TDO2: variants seen among roughly 807,000 people sequenced by gnomAD.
The protein encoded by TDO2 is tryptophan 2,3-dioxygenase.
Under a neutral mutation model 61.2 loss-of-function variants are expected in TDO2, and 63 were observed. The ratio of observed to expected loss-of-function variants is 1.03; its 90% confidence interval spans 0.84 to 1.27. The LOEUF is 1.27. Ranked by LOEUF, TDO2 falls within the 50% of genes most tolerant of loss-of-function variation. The pLI is 0.00. For synonymous variants in TDO2, 183 were observed against 164.0 expected, an observed-to-expected ratio of 1.12 and a Z score of -0.89; for missense variants, 494 against 469.5, an observed-to-expected ratio of 1.05 and a Z score of -0.48.
Position 155,914,403 on chromosome 4 carries a change from T to G in TDO2, c.807T>G (p.Asp269Glu), listed in dbSNP as rs374630562. ...KQKEVLLSLFDEKRHEHLLSK... is the reference protein window; with the variant it reads ...KQKEVLLSLFEEKRHEHLLSK... ...AAGAGGTGCTACTGTCCTTATTTGATGAGAAACGTCATGAACATCTCCTTA... is the reference window on the plus strand; with the variant it reads ...AAGAGGTGCTACTGTCCTTATTTGAGGAGAAACGTCATGAACATCTCCTTA... Residue 269 changes from aspartate (D) to glutamate (E), a missense_variant, in exon 8 of 12, where the codon GAT (aspartate) becomes GAG (glutamate). Asp to Glu is a conservative substitution (Grantham distance 45). Transcript: ENST00000536354. The G allele has an allele frequency of 6.2e-7, 1 of 1,601,086 alleles. No homozygotes were observed.
Position 155,919,111 on chromosome 4 carries a change from TG to T in TDO2, c.1068-724del, listed in dbSNP as rs561768905. ...GGGTGGTGGGAATAATGAACACAAATGGCATCTCTAGTGTGTTGTTATCTCA... is the reference window on the plus strand; with the variant it reads ...GGGTGGTGGGAATAATGAACACAAATGCATCTCTAGTGTGTTGTTATCTCA... On this transcript the variant is annotated intron_variant, in intron 11 of 11. Coordinates refer to ENST00000536354, the MANE Select transcript of TDO2 (RefSeq NM_005651.4). Among the ~76,000 whole-genome samples, 24 of 152,270 alleles carry T rather than the reference TG, an allele frequency of 1.6e-4. 1 individual carries two copies. The South Asian group carries it at 4.8e-3, about 30-fold the overall frequency.
chr4:155,909,493 C>T (rs1284320014), intron 5 of TDO2, among the ~76,000 whole-genome samples: 1 of 152,072 alleles, frequency 6.6e-6, no homozygotes, highest in Non-Finnish European at 1.5e-5. Flanking sequence ...GTTTAAGAAA[C>T]TTCCATTGGG....
intron 3 of TDO2, 199 bp from the exon 4 acceptor site, chr4:155,907,523 T>C: frequency 1.9e-6 from 1 of 538,432 alleles, no homozygotes; most frequent in Non-Finnish European, 3.3e-6. Flanking sequence ...TCTAGCATAT[T>C]AAAACATTTA....
At position 155,919,778 on chromosome 4, in the gene TDO2, G is replaced by A. The variant is rs1743010081; in HGVS notation, c.1068-59G>A. On this transcript the variant is annotated intron_variant, in intron 11 of 11. Transcript: ENST00000536354. Reference sequence around the variant, plus strand: ...TATCTGAGAAATAAATTTTCTAATTGAAAAATTTAAATATTTCATGTCAAC... The same window carrying A: ...TATCTGAGAAATAAATTTTCTAATTAAAAAATTTAAATATTTCATGTCAAC... The A allele has an allele frequency of 4.8e-6, 7 of 1,449,330 alleles. No homozygotes were observed. The East Asian group carries it at 1.7e-4, about 35-fold the overall frequency. 89.8% of individuals were successfully genotyped at this position (1,449,330 alleles called of 1,614,324 possible). A position where few individuals can be genotyped will look rare whatever the true frequency, so the allele number is the denominator to read the frequency against.
At chr4:155,906,014 G>A (rs769471531) in intron 3 of TDO2, 18 of 152,262 alleles carry the variant, frequency 1.2e-4, no homozygotes, top group Non-Finnish European at 2.4e-4. Context: ...ATCAATAGGA[G>A]AAGAATCATG....
rs1487093717 is a variant in TDO2 at position 155,918,242 on chromosome 4, A to C, written c.1067+3A>C. On this transcript the variant is annotated splice_donor_region_variant and intron_variant, in intron 11 of 11. Coordinates refer to ENST00000536354, the MANE Select transcript of TDO2 (RefSeq NM_005651.4). ...CACTACCTGCGATCAACTGTGAGGT[A>C]GGTGGGGAAATTCTCCTTTCTTCCT... 5 of 1,613,810 alleles carry C rather than the reference A, an allele frequency of 3.1e-6. No individual in the cohort carries two copies. Among genetic ancestry groups the C allele is most frequent in the Non-Finnish European group, 4.2e-6 (5 of 1,179,770 alleles).
chr4:155,911,809 G>A (rs975313199), intron 7 of TDO2, among the ~76,000 whole-genome samples: 1 of 151,888 alleles, frequency 6.6e-6, no homozygotes, highest in Non-Finnish European at 1.5e-5. Context: ...TTCATTGCAC[G>A]GGAGAATTTT....
chr4:155,920,088 ATTG>A lies in TDO2; in HGVS notation c.*101_*103del. The A allele has an allele frequency of 2.1e-5, 24 of 1,124,654 alleles. No homozygotes were observed. The highest frequency in any genetic ancestry group is 2.9e-5 in the Non-Finnish European group (22 of 768,766). The allele number at this position is 1,124,654 out of a possible 1,614,324, so 69.7% of individuals were successfully genotyped here. A position where few individuals can be genotyped will look rare whatever the true frequency, so the allele number is the denominator to read the frequency against. ...ACAGTTTGAATATATGTATGCATAT[ATTG>A]TTCAGCACCACGATGCTCTGATTTA... is the stretch of plus-strand genomic sequence containing the variant. On this transcript the variant is annotated 3_prime_UTR_variant, in exon 12 of 12. Coordinates refer to ENST00000536354, the MANE Select transcript of TDO2 (RefSeq NM_005651.4).
chr4:155,908,284 G>A (rs1174804683), intron 4 of TDO2, among the ~76,000 whole-genome samples: 1 of 152,096 alleles, frequency 6.6e-6, no homozygotes, highest in African/African-American at 2.4e-5. Context: ...AAGAGTGAGA[G>A]GAGAGGAGGG....
intron 7 of TDO2, 91 bp from the exon 8 acceptor site, chr4:155,914,232 A>G (rs1258839905): frequency 1.1e-5 from 9 of 829,212 alleles, no homozygotes; most frequent in Non-Finnish European, 1.3e-5. Flanking sequence ...CATTTCTGCA[A>G]CCATAAGTCT....
intron 4 of TDO2, 72 bp from the exon 5 acceptor site, chr4:155,908,815 A>T (rs538821378): frequency 6.8e-7 from 1 of 1,479,010 alleles, no homozygotes; most frequent in African/African-American, 1.4e-5. Flanking sequence ...ATGGGAATTC[A>T]TTGCCATTGT....
At chr4:155,916,650 A>G (rs1009502659) in intron 9 of TDO2, among the ~76,000 whole-genome samples, 1 of 152,114 alleles carries the variant, frequency 6.6e-6, no homozygotes, top group Non-Finnish European at 1.5e-5. Flanking sequence ...TCATTGTCTA[A>G]AAAGTTTGAA....
chr4:155,906,326 T>C (rs1035086801), intron 3 of TDO2: 1 of 152,182 alleles, frequency 6.6e-6, no homozygotes, highest in African/African-American at 2.4e-5. Flanking sequence ...AGTGGTTACA[T>C]AGGGTTAAAA....
At chr4:155,918,670 T>G (rs1742988214) in intron 11 of TDO2, 1 of 165,866 alleles carries the variant, frequency 6.0e-6, no homozygotes. Context: ...ATAAAACTAT[T>G]TCCATCTACT....
intron 7 of TDO2, among the ~76,000 whole-genome samples, chr4:155,912,754 G>T (rs1742857475): frequency 6.6e-6 from 1 of 151,874 alleles, no homozygotes; most frequent in Admixed American, 6.6e-5. Context: ...ATTTATCTCT[G>T]GTTTATATAT....
intron 6 of TDO2, among the ~76,000 whole-genome samples, chr4:155,910,994 T>C (rs1252068206): frequency 6.6e-6 from 1 of 152,082 alleles, no homozygotes; most frequent in Non-Finnish European, 1.5e-5. Flanking sequence ...TTTAAAAACA[T>C]TTTAAAATCT....
intron 9 of TDO2, among the ~76,000 whole-genome samples, chr4:155,917,040 TTG>T (rs1433720743): frequency 6.6e-6 from 1 of 152,246 alleles, no homozygotes; most frequent in Non-Finnish European, 1.5e-5. Flanking sequence ...GTTTTTCCTT[TTG>T]TGTTTTAATA....
Position 155,919,904 on chromosome 4 carries a change from C to A in TDO2, c.1135C>A (p.Pro379Thr), listed in dbSNP as rs1414435533. Residue 379 changes from proline to threonine, a missense_variant, in exon 12 of 12, where the codon CCG becomes ACG. Transcript: ENST00000536354. ...STYLIPRHWI[P>T]KMNPTIHKFL... ...ATACCTGATTCCCCGACACTGGATA[C>A]CGAAGATGAACCCAACCATTCACAA... 3.7e-6 allele frequency: 6 copies of A among 1,613,434 alleles called. No homozygotes were observed. In the African/African-American group the frequency reaches 8.0e-5, roughly 22 times the overall value.
At chr4:155,911,883 C>A (rs1171045532) in intron 7 of TDO2, among the ~76,000 whole-genome samples, 1 of 152,038 alleles carries the variant, frequency 6.6e-6, no homozygotes, top group Non-Finnish European at 1.5e-5. Flanking sequence ...TATATTAGAA[C>A]CAATTTTAGA....
Sources: allele counts gnomAD v4.1 joint callset (sites outside exome capture counted in the v4.1 genomes callset), GRCh38; gene constraint gnomAD v4.1.1; transcripts MANE v1.5; gene names NCBI Gene and HGNC (gene_info 2026-07-23, HGNC 2026-07-21).